Variants in FER1L6 observed in about 807,000 individuals in gnomAD.
FER1L6 encodes fer-1 like family member 6, also known as fer-1-like protein 6.
FER1L6 carries 177 observed loss-of-function variants against 219.2 expected under a neutral mutation model. The observed-to-expected ratio is 0.81, with a 90% CI of 0.71 to 0.91. The LOEUF (loss-of-function observed/expected upper bound fraction) is 0.91, where lower values mean the gene tolerates loss of function less well. Ranked by LOEUF, FER1L6 falls within the 40% of genes least tolerant of loss-of-function variation. The pLI is 0.00. For synonymous variants in FER1L6, 768 were observed against 824.3 expected (o/e 0.93, Z 1.17); for missense variants, 2,153 against 2,259.9 (o/e 0.95, Z 0.96).
chr8:123,944,583 C>T (rs746988009), intron 1 of FER1L6, among the ~76,000 whole-genome samples: 15 of 152,022 alleles, frequency 9.9e-5, no homozygotes, highest in East Asian at 3.8e-4. Flanking sequence ...TACACATACA[C>T]GTACACACAC....
chr8:124,033,378 T>A (rs146389028), intron 18 of FER1L6, among the ~76,000 whole-genome samples: 1 of 152,210 alleles, frequency 6.6e-6, no homozygotes, highest in Admixed American at 6.5e-5. Flanking sequence ...TATTCCCCAA[T>A]ACATTTTGGC....
At chr8:124,048,550 T>G (rs75279275) in intron 21 of FER1L6, among the ~76,000 whole-genome samples, 1,876 of 152,196 alleles carry the variant, frequency 0.012, 38 homozygotes, top group African/African-American at 0.043. Context: ...CCTACATACA[T>G]ACATACAAAA....
chr8:123,919,962 C>T (rs74874966), intron 1 of FER1L6, among the ~76,000 whole-genome samples: 2,032 of 152,314 alleles, frequency 0.013, 27 homozygotes, highest in Middle Eastern at 0.031. Flanking sequence ...AGGAGGAACA[C>T]ACAAGGGTGA....
rs1563694349 is a variant in FER1L6 at position 123,936,471 on chromosome 8, T to TG, written c.-7-19521_-7-19520insG. ...AAGATAATTGCAGCCTGTTTTTTTT[T>TG]TTTTTTTTTTTTTTTGTAAACAGTG... On this transcript the variant is annotated intron_variant, in intron 1 of 40. Coordinates refer to ENST00000522917, the MANE Select transcript of FER1L6 (RefSeq NM_001039112.2). Among the ~76,000 whole-genome samples the TG allele has an allele frequency of 3.1e-4, 40 of 127,090 alleles. 2 individuals are homozygous for TG. The highest frequency in any genetic ancestry group is 1.2e-3 in the African/African-American group (40 of 34,466). The allele number at this position is 127,090 out of a possible 152,430, so 83.4% of individuals were successfully genotyped here. A position where few individuals can be genotyped will look rare whatever the true frequency, so the allele number is the denominator to read the frequency against.
intron 3 of FER1L6, 76 bp downstream of exon 3, chr8:123,963,474 G>A: frequency 6.6e-7 from 1 of 1,511,580 alleles, no homozygotes; most frequent in Non-Finnish European, 9.1e-7. Flanking sequence ...ACAGGTGCTG[G>A]GAGAAGAGAG....
At chr8:123,919,071 G>A (rs1289864850) in intron 1 of FER1L6, among the ~76,000 whole-genome samples, 1 of 152,188 alleles carries the variant, frequency 6.6e-6, no homozygotes, top group Non-Finnish European at 1.5e-5. Flanking sequence ...GGCAGGCAAA[G>A]AGAACACTTC....
chr8:123,892,614 C>T (rs1812669498), intron 1 of FER1L6, among the ~76,000 whole-genome samples: 1 of 152,136 alleles, frequency 6.6e-6, no homozygotes, highest in Non-Finnish European at 1.5e-5. Flanking sequence ...TAGTTGGCCT[C>T]ATGCTATCTC....
At chr8:124,002,362 T>C (rs1277529908) in intron 12 of FER1L6, among the ~76,000 whole-genome samples, 1 of 151,812 alleles carries the variant, frequency 6.6e-6, no homozygotes, top group Non-Finnish European at 1.5e-5. Context: ...AAGGCAGGGG[T>C]CAGGAACGAA....
intron 12 of FER1L6, among the ~76,000 whole-genome samples, chr8:123,992,795 A>T (rs368107076): frequency 1.1e-4 from 17 of 151,990 alleles, no homozygotes; most frequent in African/African-American, 3.9e-4. Flanking sequence ...GAGGTGCGAC[A>T]TTGGGTTGTC....
At chr8:123,932,456 T>C (rs1813809528) in intron 1 of FER1L6, among the ~76,000 whole-genome samples, 1 of 152,206 alleles carries the variant, frequency 6.6e-6, no homozygotes, top group African/African-American at 2.4e-5. Flanking sequence ...GTGTTACTCA[T>C]TTTCTGTTTA....
At chr8:124,049,519 T>G (rs1586637997) in intron 21 of FER1L6, 88 bp from the exon 22 acceptor site, 1 of 1,412,624 alleles carries the variant, frequency 7.1e-7, no homozygotes, top group Non-Finnish European at 9.9e-7. Flanking sequence ...TTTGTGGAGG[T>G]TATTTTGTGG....
rs16899110 is a variant in FER1L6, at chr8:123,936,004, G to A, written c.-7-19988G>A. Among the ~76,000 whole-genome samples, 1,142 of 152,144 alleles carry A rather than the reference G, an allele frequency of 7.5e-3. 20 individuals carry two copies. Among genetic ancestry groups the A allele is most frequent in the African/African-American group, 0.026 (1,091 of 41,498 alleles). On this transcript the variant is annotated intron_variant, in intron 1 of 40. Transcript: ENST00000522917. ...TTTTCCAAAGCGTTTCCTAGGGTTG[G>A]GAACTTCTAGATGGTTTGCATTTCA... is the stretch of plus-strand genomic sequence containing the variant.
At chr8:123,885,148 G>A (rs1227449055) in intron 1 of FER1L6, among the ~76,000 whole-genome samples, 1 of 152,158 alleles carries the variant, frequency 6.6e-6, no homozygotes, top group African/African-American at 2.4e-5. Context: ...AGCCTTCAGA[G>A]GAAACACAGC....
intron 1 of FER1L6, among the ~76,000 whole-genome samples, chr8:123,942,508 C>T (rs1370634799): frequency 1.3e-5 from 2 of 152,210 alleles, no homozygotes; most frequent in Admixed American, 6.5e-5. Flanking sequence ...TTCTGGAGGC[C>T]AGAAGTCTGA....
chr8:123,892,610 G>A (rs576598639), intron 1 of FER1L6, among the ~76,000 whole-genome samples: 4 of 152,084 alleles, frequency 2.6e-5, no homozygotes, highest in Non-Finnish European at 5.9e-5. Context: ...GATTTAGTTG[G>A]CCTCATGCTA....
At chr8:124,056,344 C>G (rs540255098) in intron 22 of FER1L6, among the ~76,000 whole-genome samples, 2 of 152,332 alleles carry the variant, frequency 1.3e-5, no homozygotes, top group African/African-American at 2.4e-5. Flanking sequence ...CACTGTGCAG[C>G]CTCCATGGAT....
intron 29 of FER1L6, 85 bp from the exon 30 acceptor site, chr8:124,070,382 G>A (rs1821017309): frequency 1.3e-6 from 2 of 1,487,376 alleles, no homozygotes; most frequent in Non-Finnish European, 1.8e-6. Flanking sequence ...TATCAAGGCT[G>A]GTTTTGGAGA....
chr8:123,974,928 T>A (rs1815995411), intron 7 of FER1L6, among the ~76,000 whole-genome samples: 1 of 151,872 alleles, frequency 6.6e-6, no homozygotes, highest in Non-Finnish European at 1.5e-5. Context: ...TTCCCAAGAA[T>A]CTATGGTAAA....
chr8:124,034,395 T>C (rs1324830924), intron 18 of FER1L6, among the ~76,000 whole-genome samples: 3 of 152,126 alleles, frequency 2.0e-5, no homozygotes, highest in African/African-American at 7.2e-5. Flanking sequence ...CTACATTTTG[T>C]CTTTAGATTC....
Sources: gnomAD v4.1 joint callset for allele counts (sites outside exome capture counted in the v4.1 genomes callset) on GRCh38, gnomAD v4.1.1 for gene constraint, MANE v1.5 for transcripts, NCBI Gene and HGNC (gene_info 2026-07-23, HGNC 2026-07-21) for gene names.